PIGF: variants seen among roughly 807,000 people sequenced by gnomAD.
PIGF encodes phosphatidylinositol glycan anchor biosynthesis class F.
A neutral mutation model predicts 26.0 loss-of-function variants in PIGF; 23 were observed. The observed-to-expected ratio is 0.88, with a 90% confidence interval of 0.64 to 1.25. The LOEUF is 1.25. Among genes scored for constraint, PIGF ranks in the 50% most tolerant of loss-of-function variants. The pLI, the probability that PIGF is intolerant of heterozygous loss-of-function variation, is 0.00. For synonymous variants in PIGF, 93 were observed against 92.6 expected, an observed-to-expected ratio of 1.00 and a Z score of -0.03; for missense variants, 278 against 249.9, an observed-to-expected ratio of 1.11 and a Z score of -0.76.
chr2:46,583,795 T>TGAC (rs1453225596), intron 5 of PIGF, among the ~76,000 whole-genome samples: 2 of 152,182 alleles, frequency 1.3e-5, no homozygotes, highest in African/African-American at 4.8e-5. Flanking sequence ...AATATTTTAC[T>TGAC]GACATGAATT....
chr2:46,613,898 T>C, intron 2 of PIGF, 113 bp from the exon 3 acceptor site: 4 of 865,394 alleles, frequency 4.6e-6, no homozygotes, highest in East Asian at 2.8e-5. Context: ...ACAGTTCAAA[T>C]GTTCTTGGGT....
rs143388278 is a variant in PIGF at position 46,596,327 on chromosome 2, G to A, written c.438-3744C>T. ...CATTTTTCACGGTTCCAGCACACTT[G>A]TGGCCATCTTATGTTTATTAAAATA... On this transcript the variant is annotated intron_variant, in intron 4 of 5. Transcript: ENST00000281382. Among the ~76,000 whole-genome samples, 405 of 151,862 alleles carry A rather than the reference G, an allele frequency of 2.7e-3. 1 individual carries two copies. The highest frequency in any genetic ancestry group is 8.8e-3 in the African/African-American group (363 of 41,396).
chr2:46,615,086 G>C lies in PIGF; in HGVS notation c.79C>G (p.Pro27Ala). The change falls in exon 2 of 6, where the codon CCA (proline) becomes GCA (alanine). Residue 27 changes from proline (P) to alanine (A), a missense_variant. By Grantham distance (27) the Pro-to-Ala change is conservative. Transcript: ENST00000281382. ...IFSIILSVFI[P>A]SLFLENFSIL... ...GAGAAGTTCTCCAAGAAGAGTGATG[G>C]AATGAAGACACTTAGGATAATTGAA... 2 of 1,585,820 alleles carry C rather than the reference G, an allele frequency of 1.3e-6. No individual in the cohort carries two copies. The highest frequency in any genetic ancestry group is 1.7e-6 in the Non-Finnish European group (2 of 1,154,296).
chr2:46,592,312 C>G (rs973665898), intron 5 of PIGF, among the ~76,000 whole-genome samples, 163 bp downstream of exon 5: 1 of 152,230 alleles, frequency 6.6e-6, no homozygotes, highest in African/African-American at 2.4e-5. Context: ...TGGCACTGGA[C>G]AGTCCCCATT....
chr2:46,607,699 TC>T lies in PIGF; in HGVS notation c.437+4528del, dbSNP rs1207600303. On this transcript the variant is annotated intron_variant, in intron 4 of 5. Coordinates refer to ENST00000281382, the MANE Select transcript of PIGF (RefSeq NM_002643.4). ...TTGGGGAGGCTGTGGAAATTTCTTT[TC>T]TTTTTTTTTTTTAAGACTGAGTCTC... 6.4e-3 allele frequency among the ~76,000 whole-genome samples: 974 copies of T among 151,970 alleles called. 11 individuals are homozygous for T. Among genetic ancestry groups the T allele is most frequent in the African/African-American group, 0.021 (884 of 41,460 alleles).
At chr2:46,612,155 G>T in intron 4 of PIGF, 73 bp downstream of exon 4, 2 of 482,468 alleles carry the variant, frequency 4.1e-6, no homozygotes, top group Admixed American at 4.3e-5. Context: ...TCAGCAAACT[G>T]CCATGAATAG....
intron 4 of PIGF, among the ~76,000 whole-genome samples, chr2:46,610,082 G>A (rs796123829): frequency 7.2e-5 from 11 of 152,256 alleles, no homozygotes; most frequent in Non-Finnish European, 1.3e-4. Context: ...CATTTTAAAC[G>A]TGTAAAACTG....
rs140629088 is a variant in PIGF, at chr2:46,606,050, G to A, written c.437+6178C>T. Among the ~76,000 whole-genome samples the A allele has an allele frequency of 2.2e-4, 34 of 152,314 alleles. 1 individual carries two copies. Among genetic ancestry groups the A allele is most frequent in the African/African-American group, 7.9e-4 (33 of 41,586 alleles). On this transcript the variant is annotated intron_variant, in intron 4 of 5. Coordinates refer to ENST00000281382, the MANE Select transcript of PIGF (RefSeq NM_002643.4). The stretch of plus-strand genomic sequence containing the variant: ...AGGACAACTTTTGCAGTCTACTGAA[G>A]TTTAGGTGACATCAGAGAAATCTAG...
At chr2:46,590,119 C>G (rs1209699429) in intron 5 of PIGF, among the ~76,000 whole-genome samples, 1 of 151,868 alleles carries the variant, frequency 6.6e-6, no homozygotes, top group Non-Finnish European at 1.5e-5. Flanking sequence ...ATGAAACACT[C>G]TTAATGGAAA....
chr2:46,613,791 A>C lies in PIGF; in HGVS notation c.229-6T>G. On this transcript the variant is annotated splice_polypyrimidine_tract_variant and splice_region_variant and intron_variant, in intron 2 of 5. Transcript: ENST00000281382. ...CATTTCAAAAATCCAGTTACCTAAA[A>C]GAGAAATGAATAACCTGAAGATTCA... 5.2e-6 allele frequency: 8 copies of C among 1,529,906 alleles called. No homozygotes were observed. Among genetic ancestry groups the C allele is most frequent in the Non-Finnish European group, 6.2e-6 (7 of 1,121,488 alleles). 94.8% of individuals were successfully genotyped at this position (1,529,906 alleles called of 1,614,324 possible).
chr2:46,581,054 A>G lies in PIGF; in HGVS notation c.*424T>C, dbSNP rs2104044865. 1 of 1,571,498 alleles carries G rather than the reference A, an allele frequency of 6.4e-7. No homozygotes were observed. Among genetic ancestry groups the G allele is most frequent in the East Asian group, 2.3e-5 (1 of 44,238 alleles). On this transcript the variant is annotated 3_prime_UTR_variant, in exon 6 of 6. Transcript: ENST00000281382. ...CACTGTAAAAAAAAGAATAGGATCA[A>G]GATGTATAAACTGTTGTTTAATTAC...
intron 3 of PIGF, among the ~76,000 whole-genome samples, chr2:46,613,312 T>G (rs1349670478): frequency 1.3e-5 from 2 of 152,170 alleles, no homozygotes; most frequent in African/African-American, 4.8e-5. Context: ...TATTGACTTT[T>G]GTTAAGAAAA....
chr2:46,602,606 T>C (rs111615776), intron 4 of PIGF, among the ~76,000 whole-genome samples: 1 of 151,866 alleles, frequency 6.6e-6, no homozygotes, highest in Admixed American at 6.6e-5. Flanking sequence ...AACTCTACTG[T>C]GTTTTACATA....
intron 5 of PIGF, among the ~76,000 whole-genome samples, chr2:46,584,573 A>G (rs1260538978): frequency 6.6e-6 from 1 of 152,192 alleles, no homozygotes; most frequent in Admixed American, 6.5e-5. Flanking sequence ...GAAATGTTAA[A>G]AAATTTTGTC....
intron 4 of PIGF, among the ~76,000 whole-genome samples, chr2:46,609,522 T>C (rs1427361536): frequency 6.6e-6 from 1 of 152,234 alleles, no homozygotes; most frequent in Non-Finnish European, 1.5e-5. Flanking sequence ...ACTTTTAGTC[T>C]GTCTCAGTTC....
chr2:46,606,625 C>T (rs548207961), intron 4 of PIGF, among the ~76,000 whole-genome samples: 2 of 152,164 alleles, frequency 1.3e-5, no homozygotes, highest in South Asian at 2.1e-4. Context: ...ATTGCTGGGT[C>T]GAAGAAGTAT....
chr2:46,599,813 C>T (rs1308769964), intron 4 of PIGF, among the ~76,000 whole-genome samples: 15 of 152,230 alleles, frequency 9.9e-5, no homozygotes, highest in Admixed American at 8.5e-4. Flanking sequence ...TCTGCACACC[C>T]CTTTTCCTTC....
rs746003496 is a variant in PIGF, at chr2:46,615,055, A to G, written c.110T>C (p.Leu37Ser). 4 of 1,600,886 alleles carry G rather than the reference A, an allele frequency of 2.5e-6. No homozygotes were observed. The Admixed American group carries it at 5.0e-5, about 20-fold the overall frequency. Reference protein sequence around the residue: ...PSLFLENFSILETHLTWLCIC... With the variant: ...PSLFLENFSISETHLTWLCIC... Reference sequence around the variant, plus strand: ...GCACAACCATGTCAAGTGTGTTTCCAATATTGAGAAGTTCTCCAAGAAGAG... The same window carrying G: ...GCACAACCATGTCAAGTGTGTTTCCGATATTGAGAAGTTCTCCAAGAAGAG... Residue 37 changes from leucine (L) to serine (S), a missense_variant, in exon 2 of 6, where the codon TTG (leucine) becomes TCG (serine). Leu to Ser is a moderately radical substitution (Grantham distance 145). Transcript: ENST00000281382.
intron 4 of PIGF, among the ~76,000 whole-genome samples, chr2:46,593,938 A>C (rs555143288): frequency 2.0e-5 from 3 of 152,334 alleles, no homozygotes; most frequent in African/African-American, 7.2e-5. Context: ...CATACTCCCC[A>C]ACTACACAAG....
Sources: allele counts gnomAD v4.1 joint callset (sites outside exome capture counted in the v4.1 genomes callset), GRCh38; gene constraint gnomAD v4.1.1; transcripts MANE v1.5; gene names NCBI Gene and HGNC (gene_info 2026-07-23, HGNC 2026-07-21).